NCOA6: variants seen among roughly 807,000 people sequenced by gnomAD.
NCOA6 encodes the protein NRC RAP250.
Under a neutral mutation model 171.4 loss-of-function variants are expected in NCOA6, and 49 were observed. The observed-to-expected ratio is 0.29, with a 90% confidence interval of 0.23 to 0.36. The LOEUF (loss-of-function observed/expected upper bound fraction) is 0.36, where lower values mean the gene tolerates loss of function less well. NCOA6 is among the 10% of genes least tolerant of loss of function. The probability of loss-of-function intolerance (pLI) is 1.00; values close to 1 mark genes in which losing one functional copy is unlikely to be tolerated. For missense variants in NCOA6, 2,248 were observed against 2,554.5 expected (o/e 0.88, Z 2.59); for synonymous variants, 910 against 927.5 (o/e 0.98, Z 0.34).
rs1568902074 is a variant in NCOA6, at chr20:34,817,161, ATGTAT to A, written c.-164+8306_-164+8310del. Among the ~76,000 whole-genome samples the A allele has an allele frequency of 1.5e-3, 184 of 126,148 alleles. 37 individuals are homozygous for A. The highest frequency in any genetic ancestry group is 4.3e-3 in the Middle Eastern group (1 of 234). The allele number at this position is 126,148 out of a possible 152,430, so 82.8% of individuals were successfully genotyped here. On this transcript the variant is annotated intron_variant, in intron 1 of 14. Transcript: ENST00000359003. ...AAAGCAAAAGCAAAAGCAAAAGAAA[ATGTAT>A]ATAAATGGGTACTACGGAACTGATA...
chr20:34,776,299 T>G lies in NCOA6; in HGVS notation c.385A>C (p.Ile129Leu), dbSNP rs1441826553. 6.2e-7 allele frequency: 1 copy of G among 1,613,604 alleles called. No individual in the cohort carries two copies. Among genetic ancestry groups the G allele is most frequent in the Non-Finnish European group, 8.5e-7 (1 of 1,179,950 alleles). The change falls in exon 4 of 15, where the codon ATT (isoleucine) becomes CTT (leucine). Residue 129 changes from isoleucine (I) to leucine (L), a missense_variant. By Grantham distance (5) the Ile-to-Leu change is conservative. Coordinates refer to ENST00000359003, the MANE Select transcript of NCOA6 (RefSeq NM_014071.5). The part of the protein sequence containing the change: ...LRDLGILSVQ[I>L]EGEGAINLAL... The stretch of plus-strand genomic sequence containing the variant: ...ACATGGCAAAGTAAAAGACCTTCAA[T>G]CTGAACGGAGAGAATCCCTAAATCC...
intron 10 of NCOA6, among the ~76,000 whole-genome samples, chr20:34,743,958 G>A (rs940020681): frequency 3.3e-5 from 5 of 152,110 alleles, no homozygotes; most frequent in Admixed American, 6.5e-5. Flanking sequence ...CATACACTAC[G>A]CCGCATCCTT....
chr20:34,757,819 G>A lies in NCOA6; in HGVS notation c.929C>T (p.Thr310Ile), dbSNP rs1361542983. Residue 310 changes from threonine (T) to isoleucine (I), a missense_variant, in exon 7 of 15, where the codon ACT (threonine) becomes ATT (isoleucine). Thr to Ile is a moderately conservative substitution (Grantham distance 89, BLOSUM62 -1). Around this residue, in one of 7 missense-constraint regions of NCOA6, gnomAD observed 987 missense variants for 1,104.7 expected, o/e 0.89. Coordinates refer to ENST00000359003, the MANE Select transcript of NCOA6 (RefSeq NM_014071.5). ...CCAGCCTGGAGGAACAGGCACCTGA[G>A]TTGGGGCAGTAAACTGGGGTCGAAT... ...QGIRPQFTAP[T>I]QVPVPPGWNQ... The A allele has an allele frequency of 2.5e-6, 4 of 1,614,140 alleles. No homozygotes were observed. The highest frequency in any genetic ancestry group is 1.7e-5 in the Admixed American group (1 of 60,024).
chr20:34,814,768 T>G (rs1237252172), intron 1 of NCOA6, among the ~76,000 whole-genome samples: 6 of 152,092 alleles, frequency 3.9e-5, no homozygotes, highest in Non-Finnish European at 8.8e-5. Context: ...ATTTTTGTAT[T>G]TTTAGGAGAG....
chr20:34,784,843 G>A (rs981266794), intron 2 of NCOA6, among the ~76,000 whole-genome samples: 4 of 152,038 alleles, frequency 2.6e-5, no homozygotes, highest in South Asian at 2.1e-4. Context: ...CACTTTAGGC[G>A]GCTGAGGTGG....
chr20:34,824,362 T>C (rs572680624), intron 1 of NCOA6, among the ~76,000 whole-genome samples: 3 of 152,232 alleles, frequency 2.0e-5, no homozygotes, highest in African/African-American at 7.2e-5. Flanking sequence ...ACTTTACCTT[T>C]CTATGTTTCA....
At chr20:34,754,270 G>C (rs532053526) in intron 8 of NCOA6, among the ~76,000 whole-genome samples, 99 of 152,314 alleles carry the variant, frequency 6.5e-4, no homozygotes, top group African/African-American at 2.3e-3. Context: ...TTTACTACCT[G>C]AGCAAGCTCT....
At chr20:34,737,559 C>A in intron 11 of NCOA6, among the ~76,000 whole-genome samples, 1 of 152,106 alleles carries the variant, frequency 6.6e-6, no homozygotes. Flanking sequence ...AAGGGAGAAA[C>A]ATCAGAATCA....
chr20:34,768,743 C>G (rs933104011), intron 4 of NCOA6, among the ~76,000 whole-genome samples, 157 bp from the exon 5 acceptor site: 5 of 152,164 alleles, frequency 3.3e-5, no homozygotes, highest in African/African-American at 1.2e-4. Context: ...ATGGGTCTTT[C>G]TTCAACCCAT....
At chr20:34,777,614 C>CA (rs549510097) in intron 3 of NCOA6, among the ~76,000 whole-genome samples, 4,713 of 132,498 alleles carry the variant, frequency 0.036, 238 homozygotes, top group African/African-American at 0.12. Flanking sequence ...GACTCCGTCT[C>CA]AAAAAAAAAA....
intron 2 of NCOA6, 67 bp downstream of exon 2, chr20:34,792,383 G>GAA (rs755498905): frequency 7.0e-4 from 223 of 316,720 alleles, no homozygotes; most frequent in Non-Finnish European, 7.6e-4. Flanking sequence ...GACAGTATCA[G>GAA]AAAAAAAAAA....
At chr20:34,773,801 G>A (rs979136548) in intron 4 of NCOA6, among the ~76,000 whole-genome samples, 1 of 152,184 alleles carries the variant, frequency 6.6e-6, no homozygotes, top group Non-Finnish European at 1.5e-5. Context: ...TGGGATTACA[G>A]GTGTGACCCA....
intron 11 of NCOA6, among the ~76,000 whole-genome samples, chr20:34,737,071 T>C (rs1225727937): frequency 1.3e-5 from 2 of 152,132 alleles, no homozygotes; most frequent in Admixed American, 1.3e-4. Flanking sequence ...TCCTGACCAC[T>C]ACTTGAAAAA....
intron 1 of NCOA6, among the ~76,000 whole-genome samples, chr20:34,813,634 G>A (rs2078744308): frequency 6.6e-6 from 1 of 152,054 alleles, no homozygotes. Context: ...TAAAGGCATA[G>A]TATCATGATA....
intron 14 of NCOA6, among the ~76,000 whole-genome samples, chr20:34,722,054 CAAAAAAAAAAAA>C (rs71196757): frequency 0.014 from 917 of 63,414 alleles, 19 homozygotes; most frequent in African/African-American, 0.055. Context: ...GACCCTGTCT[CAAAAAAAAAAAA>C]AAAAAAAAAA....
intron 13 of NCOA6, 41 bp downstream of exon 13, chr20:34,732,518 A>ATGCTGTG (rs1568724447): frequency 1.3e-6 from 2 of 1,595,954 alleles, no homozygotes; most frequent in South Asian, 1.1e-5. Context: ...AAAGAGGCTT[A>ATGCTGTG]TGCTGTGTTC....
At position 34,741,170 on chromosome 20, in the gene NCOA6, C is replaced by T; in HGVS notation, c.5086G>A (p.Val1696Ile). The change falls in exon 11 of 15, where the codon GTT becomes ATT. Residue 1696 changes from valine to isoleucine, a missense_variant. Physicochemically the swap from Val to Ile is conservative, Grantham distance 29 (BLOSUM62 3). Around this residue, in one of 7 missense-constraint regions of NCOA6, gnomAD observed 884 missense variants for 941.9 expected, o/e 0.94. Transcript: ENST00000359003. ...NSGLMPPSVA[V>I]VGPLHIPQNI... ...TGAGGTATGTGTAAAGGGCCAACAA[C>T]TGCAACAGAGGGAGGCATCAGGCCA... 6.2e-7 allele frequency: 1 copy of T among 1,614,230 alleles called. No individual in the cohort carries two copies. Among genetic ancestry groups the T allele is most frequent in the African/African-American group, 1.3e-5 (1 of 75,054 alleles).
chr20:34,815,161 C>T (rs1308242640), intron 1 of NCOA6, among the ~76,000 whole-genome samples: 1 of 151,746 alleles, frequency 6.6e-6, no homozygotes, highest in Non-Finnish European at 1.5e-5. Context: ...ATCGCTTAAA[C>T]CCAGGAGGTT....
intron 10 of NCOA6, 143 bp from the exon 11 acceptor site, chr20:34,743,484 G>A: frequency 4.9e-6 from 4 of 824,546 alleles, no homozygotes; most frequent in Non-Finnish European, 7.5e-6. Context: ...TGGGGCAGGG[G>A]GCAGCCCCTC....
Sources: gnomAD v4.1 joint callset for allele counts (sites outside exome capture counted in the v4.1 genomes callset) on GRCh38, gnomAD v4.1.1 for gene constraint, gnomAD v4.1.1 regional missense constraint, MANE v1.5 for transcripts, NCBI Gene and HGNC (gene_info 2026-07-23, HGNC 2026-07-21) for gene names.